The following LMBR1 variants were observed in gnomAD, a reference collection of about 807,000 sequenced individuals.
LMBR1 encodes limb development membrane protein 1.
LMBR1 carries 52 observed loss-of-function variants against 73.9 expected under a neutral mutation model. The observed-to-expected ratio is 0.70, with a 90% CI of 0.56 to 0.89. The LOEUF (loss-of-function observed/expected upper bound fraction) is 0.89. Among genes scored for constraint, LMBR1 ranks in the 40% least tolerant of loss-of-function variants. The pLI is 0.00. For missense variants in LMBR1, 539 were observed against 579.8 expected (o/e 0.93, Z 0.72); for synonymous variants, 215 against 209.4 (o/e 1.03, Z -0.23).
At chr7:156,732,070 T>C (rs1028426929) in intron 10 of LMBR1, among the ~76,000 whole-genome samples, 2 of 151,898 alleles carry the variant, frequency 1.3e-5, no homozygotes, top group Admixed American at 1.3e-4. Context: ...TTAACAGAAA[T>C]GAAAATAAAT....
At chr7:156,764,333 T>C (rs1432106169) in intron 5 of LMBR1, among the ~76,000 whole-genome samples, 1 of 152,224 alleles carries the variant, frequency 6.6e-6, no homozygotes, top group Non-Finnish European at 1.5e-5. Flanking sequence ...ATCAGTTCTA[T>C]ATGATGCTTT....
chr7:156,844,762 G>A (rs1839331187), intron 1 of LMBR1, among the ~76,000 whole-genome samples: 2 of 152,166 alleles, frequency 1.3e-5, no homozygotes, highest in Admixed American at 1.3e-4. Context: ...GTCCTACTGT[G>A]CTAGCTAGCC....
intron 15 of LMBR1, 149 bp from the exon 16 acceptor site, chr7:156,688,340 T>C (rs1806402333): frequency 1.7e-6 from 1 of 573,440 alleles, no homozygotes; most frequent in South Asian, 3.0e-5. Flanking sequence ...TAATTTAAAA[T>C]ATGTAACTAT....
At chr7:156,736,349 A>G (rs985180168) in intron 9 of LMBR1, 13 of 300,290 alleles carry the variant, frequency 4.3e-5, no homozygotes, top group African/African-American at 3.0e-4. Flanking sequence ...TACACTTAGT[A>G]AAATATAGAG....
chr7:156,700,509 G>A (rs1330860753), intron 15 of LMBR1, among the ~76,000 whole-genome samples: 3 of 151,916 alleles, frequency 2.0e-5, no homozygotes, highest in Admixed American at 6.6e-5. Context: ...AAACCTGCAC[G>A]TTGTGCACAT....
At chr7:156,673,921 AAG>A, downstream of LMBR1, among the ~76,000 whole-genome samples, 1 of 141,622 alleles carries the variant, frequency 7.1e-6, no homozygotes, top group Non-Finnish European at 1.5e-5. Context: ...AAAAAAAAAA[AAG>A]AAAAAGTGAA....
intron 1 of LMBR1, among the ~76,000 whole-genome samples, chr7:156,868,964 C>T (rs142751795): frequency 2.0e-5 from 3 of 152,008 alleles, no homozygotes; most frequent in East Asian, 1.9e-4. Flanking sequence ...GACCCTGTCT[C>T]GAAAAACAAT....
At chr7:156,688,371 A>G (rs1473023338) in intron 15 of LMBR1, among the ~76,000 whole-genome samples, 180 bp from the exon 16 acceptor site, 1 of 152,132 alleles carries the variant, frequency 6.6e-6, no homozygotes, top group African/African-American at 2.4e-5. Context: ...GACAGCCTCA[A>G]GCCAGACCTA....
intron 1 of LMBR1, among the ~76,000 whole-genome samples, chr7:156,870,731 T>C (rs1435861664): frequency 6.8e-6 from 1 of 147,196 alleles, no homozygotes; most frequent in East Asian, 2.0e-4. Flanking sequence ...CGGCACAACC[T>C]GGGCGACAGA....
chr7:156,805,590 C>G (rs550915187), intron 4 of LMBR1, among the ~76,000 whole-genome samples: 2 of 152,200 alleles, frequency 1.3e-5, no homozygotes, highest in Non-Finnish European at 2.9e-5. Context: ...ACTTTGTTAT[C>G]TTTCAAAGTT....
chr7:156,692,978 T>C (rs1328745447), intron 15 of LMBR1, among the ~76,000 whole-genome samples: 2 of 152,108 alleles, frequency 1.3e-5, no homozygotes, highest in Non-Finnish European at 2.9e-5. Context: ...CTGTGGGATA[T>C]GCAAATTATA....
chr7:156,812,256 T>C (rs1833215996), intron 4 of LMBR1, among the ~76,000 whole-genome samples: 4 of 152,180 alleles, frequency 2.6e-5, no homozygotes, highest in Non-Finnish European at 4.4e-5. Flanking sequence ...CAAGACCATT[T>C]TGGATTATCC....
At chr7:156,736,616 C>T (rs1467673473) in intron 9 of LMBR1, 2 of 457,008 alleles carry the variant, frequency 4.4e-6, no homozygotes, top group Admixed American at 2.3e-5. Context: ...AGCATTCCCA[C>T]TGTGGCAGGT....
intron 5 of LMBR1, among the ~76,000 whole-genome samples, chr7:156,772,886 G>A (rs532633650): frequency 2.0e-5 from 3 of 151,868 alleles, no homozygotes; most frequent in Admixed American, 2.0e-4. Context: ...GGAGGGGAGA[G>A]GAGAGGCATT....
At chr7:156,873,574 G>C (rs1799673795) in intron 1 of LMBR1, among the ~76,000 whole-genome samples, 1 of 152,132 alleles carries the variant, frequency 6.6e-6, no homozygotes, top group South Asian at 2.1e-4. Flanking sequence ...TCAGGGTGCT[G>C]ATTGGTGCGT....
chr7:156,736,198 A>G (rs2132524830), intron 9 of LMBR1, among the ~76,000 whole-genome samples: 1 of 152,324 alleles, frequency 6.6e-6, no homozygotes, highest in Non-Finnish European at 1.5e-5. Context: ...TGCCAATCTC[A>G]TCTAACCGGG....
chr7:156,757,403 T>G (rs1822105510), intron 8 of LMBR1, among the ~76,000 whole-genome samples: 1 of 152,200 alleles, frequency 6.6e-6, no homozygotes, highest in African/African-American at 2.4e-5. Flanking sequence ...TCTAGAGAAG[T>G]GGTATGTTTA....
At chr7:156,805,153 T>C (rs542361891) in intron 4 of LMBR1, among the ~76,000 whole-genome samples, 1 of 152,032 alleles carries the variant, frequency 6.6e-6, no homozygotes, top group African/African-American at 2.4e-5. Flanking sequence ...TATGTATGTA[T>C]CTAATCCTGG....
chr7:156,747,602 A>C (rs1270225634), intron 9 of LMBR1, among the ~76,000 whole-genome samples: 1 of 152,178 alleles, frequency 6.6e-6, no homozygotes, highest in Admixed American at 6.5e-5. Flanking sequence ...TCAGTGTCCT[A>C]AACTTAGTCT....
Sources: gnomAD v4.1 joint callset for allele counts (sites outside exome capture counted in the v4.1 genomes callset) on GRCh38, gnomAD v4.1.1 for gene constraint, MANE v1.5 for transcripts, NCBI Gene and HGNC (gene_info 2026-07-23, HGNC 2026-07-21) for gene names.